The following INPP5D variants were observed in gnomAD, a reference collection of about 807,000 sequenced individuals.
INPP5D encodes phosphatidylinositol 3,4,5-trisphosphate 5-phosphatase 1.
Under a neutral mutation model 122.9 loss-of-function variants are expected in INPP5D, and 33 were observed. The ratio of observed to expected loss-of-function variants is 0.27; its 90% confidence interval spans 0.20 to 0.36. INPP5D has a LOEUF of 0.36. Ranked by LOEUF, INPP5D falls within the 10% of genes least tolerant of loss-of-function variation. The pLI is 1.00. For missense variants in INPP5D, 1,053 were observed against 1,412.7 expected (o/e 0.75, Z 4.08); for synonymous variants, 584 against 576.2 (o/e 1.01, Z -0.19).
chr2:233,144,948 C>A (rs1392883097), intron 6 of INPP5D, among the ~76,000 whole-genome samples: 2 of 151,964 alleles, frequency 1.3e-5, no homozygotes, highest in East Asian at 3.9e-4. Flanking sequence ...AGGTCAAAAG[C>A]AAGTGCAGCC....
At chr2:233,205,972 G>A (rs1156718581) in intron 26 of INPP5D, among the ~76,000 whole-genome samples, 1 of 152,064 alleles carries the variant, frequency 6.6e-6, no homozygotes, top group Non-Finnish European at 1.5e-5. Context: ...CCAACTACTC[G>A]GGAGGCTGAG....
chr2:233,079,259 G>A (rs1245161135), intron 1 of INPP5D, 76 bp from the exon 2 acceptor site: 2 of 905,766 alleles, frequency 2.2e-6, no homozygotes, highest in Non-Finnish European at 3.7e-6. Flanking sequence ...GCTGTGTCAG[G>A]AAGTCTTGTC....
rs1691580312 is a variant in INPP5D, at chr2:233,078,324, T to C, written c.135-1011T>C. Among the ~76,000 whole-genome samples, 1 of 152,210 alleles carries C rather than the reference T, an allele frequency of 6.6e-6. No homozygotes were observed. The highest frequency in any genetic ancestry group is 2.4e-5 in the African/African-American group (1 of 41,452). On this transcript the variant is annotated intron_variant, in intron 1 of 26. Transcript: ENST00000445964. The surrounding 1 kb of genome is among the most constrained non-coding windows in gnomAD (Gnocchi z 4.6). ...TACCTTCTCCTCCTCACATTAGAGATGACTGTGCCAAAGGAAGGTAGAGCT... is the reference window on the plus strand; with the variant it reads ...TACCTTCTCCTCCTCACATTAGAGACGACTGTGCCAAAGGAAGGTAGAGCT...
rs752820681 is a variant in INPP5D, at chr2:233,164,124, G to A, written c.1438-183G>A. On this transcript the variant is annotated intron_variant, in intron 12 of 26. Transcript: ENST00000445964. This position sits in a 1 kb window ranked among gnomAD's most constrained non-coding sequence, Gnocchi z 4.3. ...TATCTTCCCACCCTTGGTCAGCCCC[G>A]GTTCTCATCTTTAGGATGTTTTGTC... is the stretch of plus-strand genomic sequence containing the variant. Among the ~76,000 whole-genome samples, 15 of 152,114 alleles carry A rather than the reference G, an allele frequency of 9.9e-5. No individual in the cohort carries two copies. Among genetic ancestry groups the A allele is most frequent in the Non-Finnish European group, 8.8e-5 (6 of 68,022 alleles).
chr2:233,107,685 C>T (rs779118981), intron 2 of INPP5D, among the ~76,000 whole-genome samples: 1 of 152,030 alleles, frequency 6.6e-6, no homozygotes, highest in Non-Finnish European at 1.5e-5. Context: ...AGTGCCAGGG[C>T]CCCCCAGCCC....
chr2:233,063,977 T>C (rs1691144000), intron 1 of INPP5D, among the ~76,000 whole-genome samples: 1 of 152,240 alleles, frequency 6.6e-6, no homozygotes, highest in Admixed American at 6.5e-5. Flanking sequence ...CCAGCACACC[T>C]GGCAGGGCCT....
chr2:233,167,953 A>G (rs1389660176), intron 13 of INPP5D, among the ~76,000 whole-genome samples: 3 of 142,784 alleles, frequency 2.1e-5, no homozygotes, highest in Non-Finnish European at 4.5e-5. Context: ...TGCAGTAAGC[A>G]GAGATCGCGC....
chr2:233,149,213 T>C (rs141500584), intron 9 of INPP5D, among the ~76,000 whole-genome samples: 76,654 of 150,548 alleles, frequency 0.51, 20,215 homozygotes, highest in South Asian at 0.66. Flanking sequence ...AAGTGATTCT[T>C]CTGCCTCAGC....
intron 2 of INPP5D, among the ~76,000 whole-genome samples, chr2:233,094,711 C>T (rs1043971514): frequency 2.0e-5 from 3 of 151,928 alleles, no homozygotes; most frequent in African/African-American, 7.3e-5. Context: ...GTCCCAGACC[C>T]GGGAATTCAG....
At chr2:233,124,840 G>A (rs1693105923) in intron 3 of INPP5D, among the ~76,000 whole-genome samples, 1 of 152,230 alleles carries the variant, frequency 6.6e-6, no homozygotes, top group African/African-American at 2.4e-5. Context: ...CCAGTTGTCG[G>A]CTCGAACCAG....
chr2:233,187,340 G>A (rs1457096902), intron 21 of INPP5D, among the ~76,000 whole-genome samples: 4 of 152,198 alleles, frequency 2.6e-5, no homozygotes, highest in African/African-American at 9.6e-5. Context: ...TGAGGGAGGG[G>A]TGGAATGAAG....
At chr2:233,072,200 G>C (rs1451694180) in intron 1 of INPP5D, among the ~76,000 whole-genome samples, 2 of 152,180 alleles carry the variant, frequency 1.3e-5, no homozygotes, top group African/African-American at 4.8e-5. Context: ...AGAAGAAGCA[G>C]TCTTCTTCTA....
At chr2:233,171,019 A>G (rs748277334) in intron 16 of INPP5D, 45 bp from the exon 17 acceptor site, 7 of 1,605,402 alleles carry the variant, frequency 4.4e-6, no homozygotes, top group Middle Eastern at 1.7e-4. Flanking sequence ...GGCCAGATGC[A>G]AAACCTGGGG....
chr2:233,148,735 C>T (rs1445030110), intron 9 of INPP5D, among the ~76,000 whole-genome samples: 1 of 152,124 alleles, frequency 6.6e-6, no homozygotes, highest in African/African-American at 2.4e-5. Flanking sequence ...CCCCGAGAAA[C>T]CTGATCAATG....
intron 9 of INPP5D, among the ~76,000 whole-genome samples, chr2:233,156,938 C>G (rs1442020707): frequency 6.6e-6 from 1 of 152,214 alleles, no homozygotes; most frequent in Non-Finnish European, 1.5e-5. Flanking sequence ...CTTCTAAGGA[C>G]AGCAGTCTCG....
chr2:233,114,555 G>T (rs767642770), intron 2 of INPP5D, among the ~76,000 whole-genome samples: 11 of 152,136 alleles, frequency 7.2e-5, no homozygotes, highest in Non-Finnish European at 1.5e-4. Context: ...GAACTCAAAG[G>T]CTCGGCCTGC....
chr2:233,098,258 A>G (rs1262426861), intron 2 of INPP5D, among the ~76,000 whole-genome samples: 2 of 152,136 alleles, frequency 1.3e-5, no homozygotes, highest in African/African-American at 4.8e-5. Context: ...AGTCAAAGAC[A>G]AGGAGTGCAA....
At chr2:233,178,172 C>T (rs1302492321) in intron 18 of INPP5D, among the ~76,000 whole-genome samples, 1 of 152,048 alleles carries the variant, frequency 6.6e-6, no homozygotes, top group South Asian at 2.1e-4. Flanking sequence ...TGCCACGTAC[C>T]TATAGTCTCA....
At chr2:233,113,737 C>G (rs1476152487) in intron 2 of INPP5D, among the ~76,000 whole-genome samples, 1 of 152,206 alleles carries the variant, frequency 6.6e-6, no homozygotes, top group Non-Finnish European at 1.5e-5. Flanking sequence ...GGTTCCAGCT[C>G]CATCCTTGCC....
Sources: gnomAD v4.1 joint callset for allele counts (sites outside exome capture counted in the v4.1 genomes callset) on GRCh38, gnomAD v4.1.1 for gene constraint, Gnocchi (gnomAD v3.1) non-coding constraint, MANE v1.5 for transcripts, NCBI Gene and HGNC (gene_info 2026-07-23, HGNC 2026-07-21) for gene names.